The following ZBTB7C variants were observed in gnomAD, a reference collection of about 807,000 sequenced individuals.
ZBTB7C encodes zinc finger and BTB domain containing 7C.
In ZBTB7C, 8 loss-of-function variants were observed where a neutral mutation model predicts 25.7. The observed-to-expected ratio is 0.31, with a 90% CI of 0.18 to 0.56. The LOEUF is 0.56. ZBTB7C is among the 20% of genes least tolerant of loss of function. ZBTB7C has a pLI of 0.91. For missense variants in ZBTB7C, 824 were observed against 855.2 expected, an observed-to-expected ratio of 0.96 and a Z score of 0.46; for synonymous variants, 394 against 369.0, an observed-to-expected ratio of 1.07 and a Z score of -0.78.
intron 2 of ZBTB7C, among the ~76,000 whole-genome samples, chr18:48,214,741 C>T (rs1421422003): frequency 6.6e-6 from 1 of 152,238 alleles, no homozygotes; most frequent in Admixed American, 6.5e-5. Flanking sequence ...GGGGTTTACC[C>T]TGTGACATGT....
At chr18:48,292,621 G>GTT (rs1385942717) in intron 2 of ZBTB7C, among the ~76,000 whole-genome samples, 3 of 152,190 alleles carry the variant, frequency 2.0e-5, no homozygotes, top group African/African-American at 7.2e-5. Context: ...ACCTGGGCAG[G>GTT]GACCTGGGGT....
intron 2 of ZBTB7C, among the ~76,000 whole-genome samples, chr18:48,229,827 G>T (rs1321866654): frequency 1.3e-5 from 2 of 152,152 alleles, no homozygotes; most frequent in Non-Finnish European, 2.9e-5. Context: ...AAGGAGCGGG[G>T]CAGGTGTGGG....
chr18:48,201,667 T>A (rs998830796), intron 2 of ZBTB7C, among the ~76,000 whole-genome samples: 2 of 152,222 alleles, frequency 1.3e-5, no homozygotes, highest in East Asian at 3.8e-4. Context: ...CAGGTGCCTC[T>A]TGCTTTTAAA....
intron 3 of ZBTB7C, among the ~76,000 whole-genome samples, chr18:48,058,549 A>T (rs2037005486): frequency 6.6e-6 from 1 of 152,130 alleles, no homozygotes; most frequent in Non-Finnish European, 1.5e-5. Context: ...AGGGTCTTTA[A>T]GACCCCTTGT....
At chr18:48,092,039 T>G (rs941909937) in intron 3 of ZBTB7C, among the ~76,000 whole-genome samples, 25 of 152,116 alleles carry the variant, frequency 1.6e-4, no homozygotes, top group African/African-American at 6.0e-4. Flanking sequence ...CAGCATAGAT[T>G]CTATGTCAAT....
chr18:48,081,813 C>T (rs1429551680), intron 3 of ZBTB7C, among the ~76,000 whole-genome samples: 4 of 152,006 alleles, frequency 2.6e-5, no homozygotes, highest in Non-Finnish European at 5.9e-5. Context: ...AATGTAGCTG[C>T]TCAAACTGAG....
chr18:48,088,546 G>T (rs2038282498), intron 3 of ZBTB7C, among the ~76,000 whole-genome samples: 1 of 152,206 alleles, frequency 6.6e-6, no homozygotes, highest in African/African-American at 2.4e-5. Flanking sequence ...GAAGGAAACT[G>T]GCCAGCCCTA....
chr18:48,373,777 C>T (rs756113523), intron 1 of ZBTB7C, among the ~76,000 whole-genome samples: 8 of 152,066 alleles, frequency 5.3e-5, no homozygotes, highest in Non-Finnish European at 7.4e-5. Flanking sequence ...CTGGTAAACA[C>T]GGTGAAACCC....
chr18:48,244,398 G>C (rs2043618848), intron 2 of ZBTB7C, among the ~76,000 whole-genome samples: 1 of 150,768 alleles, frequency 6.6e-6, no homozygotes, highest in Non-Finnish European at 1.5e-5. Flanking sequence ...CTGGGCGACA[G>C]AGTGAGACTC....
intron 2 of ZBTB7C, among the ~76,000 whole-genome samples, chr18:48,256,252 T>C (rs905408086): frequency 1.3e-5 from 2 of 151,666 alleles, no homozygotes; most frequent in African/African-American, 4.8e-5. Context: ...AAAGACAAAA[T>C]CTTAAAAGCA....
Position 48,104,891 on chromosome 18 carries a change from C to T in ZBTB7C, c.-16-63768G>A, listed in dbSNP as rs545230769. ...GGCCCTGGGCAGGCAAGCCCTGAAGCGCCAGGTGGCTGGGTGTGGGTCTTA... is the reference window on the plus strand; with the variant it reads ...GGCCCTGGGCAGGCAAGCCCTGAAGTGCCAGGTGGCTGGGTGTGGGTCTTA... On this transcript the variant is annotated intron_variant, in intron 3 of 4. Coordinates refer to ENST00000590800, the MANE Select transcript of ZBTB7C (RefSeq NM_001318841.2). Among the ~76,000 whole-genome samples the T allele has an allele frequency of 5.9e-5, 9 of 152,274 alleles. 1 individual carries two copies. In the South Asian group the frequency reaches 1.9e-3, roughly 32 times the overall value.
chr18:48,292,239 T>C (rs954539372), intron 2 of ZBTB7C, among the ~76,000 whole-genome samples: 1 of 152,126 alleles, frequency 6.6e-6, no homozygotes, highest in Non-Finnish European at 1.5e-5. Flanking sequence ...ACTTACATCT[T>C]GGCACTGTAC....
chr18:48,161,813 C>G (rs948354369), intron 3 of ZBTB7C, among the ~76,000 whole-genome samples: 141 of 151,764 alleles, frequency 9.3e-4, no homozygotes, highest in African/African-American at 3.2e-3. Flanking sequence ...CCCGCGGCCT[C>G]TCTCTCCTCC....
upstream of ZBTB7C, among the ~76,000 whole-genome samples, chr18:48,410,471 C>T (rs1476628907): frequency 5.9e-5 from 9 of 152,162 alleles, no homozygotes; most frequent in Admixed American, 3.3e-4. Flanking sequence ...CCGCCGGGCC[C>T]CGCCCCCTCG....
chr18:48,176,043 T>C (rs2041665543), intron 3 of ZBTB7C, among the ~76,000 whole-genome samples: 1 of 152,012 alleles, frequency 6.6e-6, no homozygotes, highest in South Asian at 2.1e-4. Context: ...TTAAAATGTC[T>C]CCCCATAGAC....
upstream of ZBTB7C, among the ~76,000 whole-genome samples, chr18:48,411,670 A>G (rs1287947001): frequency 6.6e-6 from 1 of 152,200 alleles, no homozygotes; most frequent in Non-Finnish European, 1.5e-5. Flanking sequence ...ATAGAAATGT[A>G]GTTCTGGGGG....
At chr18:48,409,749 G>GA (rs2048361965), upstream of ZBTB7C, among the ~76,000 whole-genome samples, 1 of 152,110 alleles carries the variant, frequency 6.6e-6, no homozygotes, top group African/African-American at 2.4e-5. Flanking sequence ...GAGTGGGGGG[G>GA]CCGGGCACCG....
At chr18:48,170,050 A>C (rs752169750) in intron 3 of ZBTB7C, among the ~76,000 whole-genome samples, 5 of 151,944 alleles carry the variant, frequency 3.3e-5, no homozygotes, top group Non-Finnish European at 5.9e-5. Flanking sequence ...TTATCTATTC[A>C]CTGAAAGCCA....
At position 48,029,259 on chromosome 18, in the gene ZBTB7C, C is replaced by A; in HGVS notation, c.*1G>T. The A allele has an allele frequency of 1.3e-6, 2 of 1,537,726 alleles. No homozygotes were observed. The highest frequency in any genetic ancestry group is 1.7e-6 in the Non-Finnish European group (2 of 1,149,154). The stretch of plus-strand genomic sequence containing the variant: ...GTGGGCTGGAGCCGACAGGGACCAG[C>A]CTAGTTGTTGGCTTCGGACATGGAG... On this transcript the variant is annotated 3_prime_UTR_variant, in exon 5 of 5. Coordinates refer to ENST00000590800, the MANE Select transcript of ZBTB7C (RefSeq NM_001318841.2).
Sources: allele counts gnomAD v4.1 joint callset (sites outside exome capture counted in the v4.1 genomes callset), GRCh38; gene constraint gnomAD v4.1.1; transcripts MANE v1.5; gene names NCBI Gene and HGNC (gene_info 2026-07-23, HGNC 2026-07-21).